Variants in BICRAL observed in about 807,000 individuals in gnomAD.
BICRAL encodes BICRA like chromatin remodeling complex associated protein.
In BICRAL, 8 loss-of-function variants were observed where a neutral mutation model predicts 91.8. The ratio of observed to expected loss-of-function variants is 0.09; its 90% CI spans 0.05 to 0.16. The LOEUF (loss-of-function observed/expected upper bound fraction) is 0.16. Among genes scored for constraint, BICRAL ranks in the 10% least tolerant of loss-of-function variants. The pLI is 1.00. For missense variants in BICRAL, 1,038 were observed against 1,310.9 expected (o/e 0.79, Z 3.21); for synonymous variants, 445 against 491.1 (o/e 0.91, Z 1.24).
chr6:42,748,841 G>A (rs191155740), intron 1 of BICRAL, among the ~76,000 whole-genome samples: 11 of 152,300 alleles, frequency 7.2e-5, no homozygotes, highest in African/African-American at 2.6e-4. Context: ...GGCATTGCCC[G>A]GCTGTGTTTG....
intron 2 of BICRAL, among the ~76,000 whole-genome samples, chr6:42,814,499 G>GTGTATATATATATATATATA (rs374054837): frequency 1.6e-5 from 1 of 61,268 alleles, no homozygotes; most frequent in African/African-American, 7.9e-5. Context: ...GTGTGTGTGT[G>GTGTATATATATATATATATA]TATATATATA....
intron 1 of BICRAL, among the ~76,000 whole-genome samples, chr6:42,747,355 C>G (rs974892562): frequency 6.6e-6 from 1 of 152,202 alleles, no homozygotes; most frequent in Non-Finnish European, 1.5e-5. Flanking sequence ...CTCCTTATAT[C>G]CCCAGTTCCC....
At chr6:42,768,248 T>G (rs1762664878) in intron 1 of BICRAL, among the ~76,000 whole-genome samples, 1 of 152,208 alleles carries the variant, frequency 6.6e-6, no homozygotes, top group Admixed American at 6.5e-5. Context: ...ACTGGAATGA[T>G]TAGGTCAGCT....
chr6:42,770,713 G>GCCCTCCCCTCTC (rs1562453233), intron 1 of BICRAL, among the ~76,000 whole-genome samples: 2 of 151,364 alleles, frequency 1.3e-5, no homozygotes, highest in African/African-American at 2.4e-5. Flanking sequence ...ACCCCACCCG[G>GCCCTCCCCTCTC]TCAGTGTTTT....
At chr6:42,774,934 G>A (rs1012904376) in intron 1 of BICRAL, among the ~76,000 whole-genome samples, 10 of 151,172 alleles carry the variant, frequency 6.6e-5, no homozygotes, top group Non-Finnish European at 1.0e-4. Context: ...TTTCAGAGTG[G>A]TTCCTTTTTT....
chr6:42,791,001 T>A lies in BICRAL; in HGVS notation c.-102+8900T>A, dbSNP rs114059416. Among the ~76,000 whole-genome samples, 309 of 152,080 alleles carry A rather than the reference T, an allele frequency of 2.0e-3. 1 individual carries two copies. The highest frequency in any genetic ancestry group is 5.5e-3 in the African/African-American group (229 of 41,482). On this transcript the variant is annotated intron_variant, in intron 1 of 12. Transcript: ENST00000314073. ...GGAAATCACTAACATGGTGCCTGGC[T>A]ACAAGCAGAGGGAGCTCAGGACTTG... is the stretch of plus-strand genomic sequence containing the variant.
At chr6:42,856,007 ATAATGAGTATATTAGCCTTTT>A (rs1765339615) in intron 9 of BICRAL, 90 bp downstream of exon 9, 1 of 1,032,622 alleles carries the variant, frequency 9.7e-7, no homozygotes, top group South Asian at 1.3e-5. Flanking sequence ...ACAGGTTATA[ATAATGAGTATATTAGCCTTTT>A]TAAAAATGTA....
intron 1 of BICRAL, among the ~76,000 whole-genome samples, chr6:42,749,843 A>T (rs999218925): frequency 1.3e-5 from 2 of 151,206 alleles, no homozygotes; most frequent in South Asian, 2.1e-4. Flanking sequence ...TATACCTCTA[A>T]AAGATTGGGA....
At chr6:42,783,651 C>G (rs959843614) in intron 1 of BICRAL, among the ~76,000 whole-genome samples, 1 of 152,200 alleles carries the variant, frequency 6.6e-6, no homozygotes. Flanking sequence ...CTTCTCCTTC[C>G]CCACGCCCCC....
intron 1 of BICRAL, among the ~76,000 whole-genome samples, chr6:42,764,886 C>T (rs745943878): frequency 6.6e-6 from 1 of 152,196 alleles, no homozygotes; most frequent in East Asian, 1.9e-4. Flanking sequence ...GTCTTGATCT[C>T]CTGACCTTGT....
intron 1 of BICRAL, among the ~76,000 whole-genome samples, chr6:42,754,442 G>A (rs1037823661): frequency 6.6e-6 from 1 of 152,192 alleles, no homozygotes; most frequent in Admixed American, 6.5e-5. Flanking sequence ...AAAGTGCTGG[G>A]ATTACAGGTG....
chr6:42,806,263 CA>C (rs1163264226), intron 1 of BICRAL, among the ~76,000 whole-genome samples: 1 of 152,174 alleles, frequency 6.6e-6, no homozygotes, highest in Non-Finnish European at 1.5e-5. Flanking sequence ...ACAGGTTCCC[CA>C]ATTTGCCTGA....
chr6:42,829,491 T>G lies in BICRAL; in HGVS notation c.1158T>G (p.Val386=). Residue 386 remains valine, a synonymous_variant, in exon 6 of 13, where the codon GTT becomes GTG. Transcript: ENST00000314073. ...QAVSSTGGSI[V]IHSPMGQPHA... ...TGAGCAGCACTGGGGGCAGTATTGT[T>G]ATTCATTCCCCCATGGGCCAACCTC... 6.2e-7 allele frequency: 1 copy of G among 1,614,118 alleles called. No homozygotes were observed. The highest frequency in any genetic ancestry group is 8.5e-7 in the Non-Finnish European group (1 of 1,179,960).
intron 10 of BICRAL, among the ~76,000 whole-genome samples, chr6:42,857,917 C>T (rs978248728): frequency 2.0e-5 from 3 of 146,420 alleles, no homozygotes; most frequent in African/African-American, 7.7e-5. Context: ...AAGTGACTCT[C>T]CCTGCCTCAG....
chr6:42,844,550 G>A (rs9462837), intron 6 of BICRAL, among the ~76,000 whole-genome samples: 23,679 of 77,804 alleles, frequency 0.3, 6,218 homozygotes, highest in African/African-American at 0.55. Context: ...AAAAAAGAGG[G>A]TGTTGCAGAA....
rs1765754837 is a variant in BICRAL, at chr6:42,867,769, A to T, written c.*2323A>T. The stretch of plus-strand genomic sequence containing the variant: ...CCATCCTAAAGGGTTTTTAAGCCCT[A>T]ACACTTGTCTAGCAAATGGAGAGCC... On this transcript the variant is annotated 3_prime_UTR_variant, in exon 13 of 13. Transcript: ENST00000314073. 6.6e-6 allele frequency: 1 copy of T among 152,228 alleles called. No homozygotes were observed. Among genetic ancestry groups the T allele is most frequent in the African/African-American group, 2.4e-5 (1 of 41,454 alleles). The allele number at this position is 152,228 out of a possible 1,614,324, so 9.4% of individuals were successfully genotyped here. A position where few individuals can be genotyped will look rare whatever the true frequency, so the allele number is the denominator to read the frequency against.
At chr6:42,806,578 T>C (rs965043973) in intron 1 of BICRAL, among the ~76,000 whole-genome samples, 1 of 149,054 alleles carries the variant, frequency 6.7e-6, no homozygotes, top group Admixed American at 6.8e-5. Flanking sequence ...AATGGCGCCA[T>C]CTTGGTTCAC....
chr6:42,848,715 A>G (rs1220754591), intron 6 of BICRAL, among the ~76,000 whole-genome samples: 2 of 151,962 alleles, frequency 1.3e-5, no homozygotes, highest in African/African-American at 2.4e-5. Flanking sequence ...TTGGTGGCAC[A>G]CACCTGTAGT....
intron 1 of BICRAL, among the ~76,000 whole-genome samples, chr6:42,802,571 C>T (rs913163480): frequency 1.3e-5 from 2 of 152,090 alleles, no homozygotes; most frequent in African/African-American, 4.8e-5. Flanking sequence ...GCCTCAGCCT[C>T]CTGAGTAGCT....
Sources: allele counts gnomAD v4.1 joint callset (sites outside exome capture counted in the v4.1 genomes callset), GRCh38; gene constraint gnomAD v4.1.1; transcripts MANE v1.5; gene names NCBI Gene and HGNC (gene_info 2026-07-23, HGNC 2026-07-21).